The following NUTM2E variants were observed in gnomAD, a reference collection of about 807,000 sequenced individuals.
NUTM2E encodes the protein family with sequence similarity 22, member E.
NUTM2E carries 3 observed loss-of-function variants against 26.1 expected under a neutral mutation model. The ratio of observed to expected loss-of-function variants is 0.12; its 90% CI spans 0.05 to 0.30. The LOEUF (loss-of-function observed/expected upper bound fraction) is 0.30, where lower values mean the gene tolerates loss of function less well. NUTM2E is among the 10% of genes least tolerant of loss of function. The probability of loss-of-function intolerance (pLI) is 1.00; values close to 1 mark genes in which losing one functional copy is unlikely to be tolerated. For missense variants in NUTM2E, 62 were observed against 381.3 expected, an observed-to-expected ratio of 0.16 and a Z score of 6.97; for synonymous variants, 13 against 157.5, an observed-to-expected ratio of 0.08 and a Z score of 6.87.
At chr10:79,830,323 C>T (rs1186207730) in intron 1 of NUTM2E, among the ~76,000 whole-genome samples, 1 of 151,420 alleles carries the variant, frequency 6.6e-6, no homozygotes, top group African/African-American at 2.4e-5. Flanking sequence ...TCATACATAA[C>T]TGAAGAAAAT....
At chr10:79,832,324 G>A (rs1462435888) in intron 1 of NUTM2E, among the ~76,000 whole-genome samples, 1 of 151,846 alleles carries the variant, frequency 6.6e-6, no homozygotes, top group Admixed American at 6.6e-5. Context: ...GCATGTGTGT[G>A]TGTATGTTTA....
Position 79,841,205 on chromosome 10 carries a change from A to G in NUTM2E, c.-536A>G, listed in dbSNP as rs1202344840. Among the ~76,000 whole-genome samples, 2 of 110,086 alleles carry G rather than the reference A, an allele frequency of 1.8e-5. No individual in the cohort carries two copies. Among genetic ancestry groups the G allele is most frequent in the Admixed American group, 1.1e-4 (1 of 9,444 alleles). The allele number at this position is 110,086 out of a possible 152,430, so 72.2% of individuals were successfully genotyped here. A position where few individuals can be genotyped will look rare whatever the true frequency, so the allele number is the denominator to read the frequency against. ...CAGGAAAGAAAATGTGGCCAGGGAA[A>G]AGAGATGGGAGGAAGGCTGGTCATT... On this transcript the variant is annotated 5_prime_UTR_variant, in exon 4 of 10. Coordinates refer to ENST00000429984, the MANE Select transcript of NUTM2E (RefSeq NM_001355263.2).
intron 1 of NUTM2E, among the ~76,000 whole-genome samples, chr10:79,830,436 G>A (rs1311931992): frequency 2.6e-5 from 4 of 151,742 alleles, no homozygotes; most frequent in African/African-American, 9.7e-5. Flanking sequence ...TATCATGGAA[G>A]AGAGGATAGT....
At chr10:79,839,400 G>T (rs1178083882) in intron 3 of NUTM2E, among the ~76,000 whole-genome samples, 2 of 150,258 alleles carry the variant, frequency 1.3e-5, no homozygotes, top group East Asian at 2.0e-4. Flanking sequence ...TTTTCCTACC[G>T]CATTCAAATG....
At chr10:79,832,316 A>ATG (rs1466846423) in intron 1 of NUTM2E, among the ~76,000 whole-genome samples, 1 of 143,346 alleles carries the variant, frequency 7.0e-6, no homozygotes, top group Admixed American at 6.9e-5. Flanking sequence ...GTGTGTGTGC[A>ATG]TGTGTGTGTG....
rs1165157888 is a variant in NUTM2E at position 79,826,833 on chromosome 10, A to T, written c.-3252A>T. 1 of 151,434 alleles carries T rather than the reference A, an allele frequency of 6.6e-6. No homozygotes were observed. The allele number at this position is 151,434 out of a possible 1,614,324, so 9.4% of individuals were successfully genotyped here. ...CGCAGTGCACGCTGGGCCGCCCCGG[A>T]GCGATCGCAGAGCCCGTCGGGAGTC... On this transcript the variant is annotated 5_prime_UTR_variant, in exon 1 of 10. Coordinates refer to ENST00000429984, the MANE Select transcript of NUTM2E (RefSeq NM_001355263.2).
chr10:79,837,369 A>C (rs1409323346), intron 1 of NUTM2E, among the ~76,000 whole-genome samples: 2 of 152,052 alleles, frequency 1.3e-5, no homozygotes, highest in Non-Finnish European at 2.9e-5. Flanking sequence ...GCTGTCTTTA[A>C]ATAGGCTCCA....
intron 8 of NUTM2E, among the ~76,000 whole-genome samples, chr10:79,849,150 G>C (rs1842038487): frequency 9.8e-5 from 8 of 81,632 alleles, no homozygotes; most frequent in Admixed American, 9.5e-4. Flanking sequence ...GTCATATGTG[G>C]GTCTGTTTGT....
At chr10:79,832,118 A>G (rs1841931129) in intron 1 of NUTM2E, among the ~76,000 whole-genome samples, 1 of 152,142 alleles carries the variant, frequency 6.6e-6, no homozygotes, top group African/African-American at 2.4e-5. Context: ...ACTGAATACT[A>G]TCACACTGGG....
At position 79,833,852 on chromosome 10, in the gene NUTM2E, C is replaced by T. The variant is rs1282861896; in HGVS notation, c.-2727-4457C>T. Among the ~76,000 whole-genome samples the T allele has an allele frequency of 1.8e-4, 27 of 151,588 alleles. 1 individual carries two copies. The highest frequency in any genetic ancestry group is 4.4e-5 in the Non-Finnish European group (3 of 67,860). ...GAAATACCATTTGACCCAGTAATCC[C>T]ATTACTGGGTATATACCCAAAGGAT... On this transcript the variant is annotated intron_variant, in intron 1 of 9. Coordinates refer to ENST00000429984, the MANE Select transcript of NUTM2E (RefSeq NM_001355263.2).
rs1186156064 is a variant in NUTM2E at position 79,832,940 on chromosome 10, CACTT to C, written c.-2727-5365_-2727-5362del. Among the ~76,000 whole-genome samples, 88 of 151,798 alleles carry C rather than the reference CACTT, an allele frequency of 5.8e-4. 1 individual carries two copies. Among genetic ancestry groups the C allele is most frequent in the Middle Eastern group, 3.4e-3 (1 of 292 alleles). On this transcript the variant is annotated intron_variant, in intron 1 of 9. Transcript: ENST00000429984. ...AGTTGTGTGTGAATTTAAGTGAACA[CACTT>C]ACTAATTGAATAAAATACAGTAAGT...
Position 79,838,834 on chromosome 10 carries a change from C to T in NUTM2E, c.-2395C>T. Among the ~76,000 whole-genome samples the T allele has an allele frequency of 6.6e-6, 1 of 151,610 alleles. No individual in the cohort carries two copies. Among genetic ancestry groups the T allele is most frequent in the Non-Finnish European group, 1.5e-5 (1 of 67,856 alleles). On this transcript the variant is annotated 5_prime_UTR_variant, in exon 3 of 10. Transcript: ENST00000429984. ...AAGGCCGTTGGGTCACCGCCCTTTGCTCTCGCGCTGCGCGTCTCCCTGCCA... is the reference window on the plus strand; with the variant it reads ...AAGGCCGTTGGGTCACCGCCCTTTGTTCTCGCGCTGCGCGTCTCCCTGCCA...
chr10:79,837,875 A>T (rs1316525987), intron 1 of NUTM2E, among the ~76,000 whole-genome samples: 1 of 151,926 alleles, frequency 6.6e-6, no homozygotes, highest in East Asian at 1.9e-4. Flanking sequence ...TTCAAGGAGC[A>T]CAGCGTCTAA....
At chr10:79,838,633 A>G (rs1841979068) in intron 2 of NUTM2E, among the ~76,000 whole-genome samples, 47 bp downstream of exon 2, 1 of 150,764 alleles carries the variant, frequency 6.6e-6, no homozygotes, top group Non-Finnish European at 1.5e-5. Flanking sequence ...CAGGGCCCCC[A>G]CTAGGAAAGC....
At chr10:79,833,819 T>C (rs1309784909) in intron 1 of NUTM2E, among the ~76,000 whole-genome samples, 2 of 151,764 alleles carry the variant, frequency 1.3e-5, no homozygotes, top group African/African-American at 4.8e-5. Flanking sequence ...CTCAAGGATC[T>C]AGAACTAGAA....
At chr10:79,827,465 C>T (rs1841892085) in intron 1 of NUTM2E, 108 bp downstream of exon 1, 2 of 151,030 alleles carry the variant, frequency 1.3e-5, no homozygotes, top group Admixed American at 6.6e-5. Context: ...TGACCTGCTC[C>T]CTTACCCTTA....
intron 1 of NUTM2E, among the ~76,000 whole-genome samples, chr10:79,828,412 A>C (rs941674576): frequency 2.0e-5 from 3 of 151,868 alleles, no homozygotes; most frequent in Admixed American, 2.0e-4. Flanking sequence ...GAAGACCTAC[A>C]TTTCCCGGAA....
chr10:79,834,837 C>A (rs1470032074), intron 1 of NUTM2E, among the ~76,000 whole-genome samples: 1 of 150,970 alleles, frequency 6.6e-6, no homozygotes, highest in African/African-American at 2.4e-5. Context: ...CACACACACA[C>A]ACACACAAAC....
intron 3 of NUTM2E, among the ~76,000 whole-genome samples, 193 bp from the exon 4 acceptor site, chr10:79,839,435 A>G (rs411155): frequency 0.88 from 130,563 of 148,522 alleles, 58,089 homozygotes; most frequent in Non-Finnish European, 0.95. Flanking sequence ...TTTTGTTGTA[A>G]CCTTGATCAA....
Sources: allele counts gnomAD v4.1 joint callset (sites outside exome capture counted in the v4.1 genomes callset), GRCh38; gene constraint gnomAD v4.1.1; transcripts MANE v1.5; gene names NCBI Gene and HGNC (gene_info 2026-07-23, HGNC 2026-07-21).